The following HMCN1 variants were observed in gnomAD, a reference collection of about 807,000 sequenced individuals.
HMCN1 encodes the protein hemicentin-1.
A neutral mutation model predicts 625.9 loss-of-function variants in HMCN1; 321 were observed. The observed-to-expected ratio is 0.51, with a 90% CI of 0.47 to 0.56. The LOEUF (loss-of-function observed/expected upper bound fraction) is 0.56, where lower values mean the gene tolerates loss of function less well. Ranked by LOEUF, HMCN1 falls within the 20% of genes least tolerant of loss-of-function variation. The pLI, the probability that HMCN1 is intolerant of heterozygous loss-of-function variation, is 0.00. For synonymous variants in HMCN1, 2,425 were observed against 2,417.6 expected (o/e 1.00, Z -0.09); for missense variants, 6,588 against 6,887.3 (o/e 0.96, Z 1.54).
intron 9 of HMCN1, among the ~76,000 whole-genome samples, 185 bp from the exon 10 acceptor site, chr1:185,928,361 A>G (rs1280604055): frequency 6.6e-6 from 1 of 152,160 alleles, no homozygotes; most frequent in African/African-American, 2.4e-5. Context: ...AGAGTAGAAA[A>G]GCCTCATTTT....
chr1:186,158,849 T>C (rs1348372940), intron 97 of HMCN1, among the ~76,000 whole-genome samples: 1 of 151,704 alleles, frequency 6.6e-6, no homozygotes, highest in African/African-American at 2.4e-5. Flanking sequence ...CCTTGTAGTA[T>C]AGTTTGAAGT....
At chr1:185,904,654 C>T (rs1186260832) in intron 4 of HMCN1, among the ~76,000 whole-genome samples, 1 of 151,814 alleles carries the variant, frequency 6.6e-6, no homozygotes, top group Non-Finnish European at 1.5e-5. Context: ...ATGCTGCCTT[C>T]TTATTAGCTG....
At position 186,166,820 on chromosome 1, in the gene HMCN1, G is replaced by A; in HGVS notation, c.15452G>A (p.Cys5151Tyr). 1 of 1,614,128 alleles carries A rather than the reference G, an allele frequency of 6.2e-7. No homozygotes were observed. The highest frequency in any genetic ancestry group is 8.5e-7 in the Non-Finnish European group (1 of 1,179,996). The change falls in exon 100 of 107, where the codon TGT (cysteine) becomes TAT (tyrosine). Residue 5151 changes from cysteine to tyrosine, a missense_variant. Physicochemically the swap from Cys to Tyr is radical, Grantham distance 194. Transcript: ENST00000271588. The part of the protein sequence containing the change: ...DGRTCQDIDE[C>Y]ALGRHTCHAG... The stretch of plus-strand genomic sequence containing the variant: ...CCCTCTGTTGCAGATATTGATGAGT[G>A]TGCTTTGGGTAGGCATACCTGCCAC...
intron 8 of HMCN1, 34 bp downstream of exon 8, chr1:185,923,687 G>C: frequency 6.5e-7 from 1 of 1,540,992 alleles, no homozygotes. Context: ...TTGAAATATT[G>C]ACAGTTTAAG....
At chr1:185,775,495 A>G (rs1462798127) in intron 1 of HMCN1, among the ~76,000 whole-genome samples, 1 of 152,218 alleles carries the variant, frequency 6.6e-6, no homozygotes, top group Non-Finnish European at 1.5e-5. Context: ...CTATTTTGAA[A>G]ACATTTTTCT....
intron 4 of HMCN1, among the ~76,000 whole-genome samples, chr1:185,898,576 G>A (rs370597017): frequency 6.6e-6 from 1 of 152,196 alleles, no homozygotes; most frequent in East Asian, 1.9e-4. Context: ...GGGTCTCAAT[G>A]AACCCTGGTC....
chr1:185,816,349 G>C (rs1419193257), intron 1 of HMCN1, among the ~76,000 whole-genome samples: 3 of 152,094 alleles, frequency 2.0e-5, no homozygotes, highest in Non-Finnish European at 2.9e-5. Context: ...TGTACTTTGG[G>C]GATGTTTGTA....
At chr1:185,756,590 T>C (rs1295441435) in intron 1 of HMCN1, among the ~76,000 whole-genome samples, 1 of 152,172 alleles carries the variant, frequency 6.6e-6, no homozygotes, top group African/African-American at 2.4e-5. Flanking sequence ...AAGTGACCAA[T>C]AAATATTAAT....
At chr1:185,984,104 G>A (rs1325513726) in intron 18 of HMCN1, 65 bp from the exon 19 acceptor site, 1 of 1,340,864 alleles carries the variant, frequency 7.5e-7, no homozygotes, top group African/African-American at 1.5e-5. Context: ...GAAAAAGCAG[G>A]TTCATTTTTG....
At chr1:185,775,082 G>A (rs551703655) in intron 1 of HMCN1, among the ~76,000 whole-genome samples, 1 of 152,284 alleles carries the variant, frequency 6.6e-6, no homozygotes, top group East Asian at 1.9e-4. Flanking sequence ...ATTCGGAGAT[G>A]CTAAGGGCAG....
At chr1:185,918,820 A>G (rs1156748917) in intron 6 of HMCN1, among the ~76,000 whole-genome samples, 1 of 152,154 alleles carries the variant, frequency 6.6e-6, no homozygotes, top group Non-Finnish European at 1.5e-5. Context: ...CCTGTTCAAC[A>G]TCTAATATCT....
At position 186,074,889 on chromosome 1, in the gene HMCN1, A is replaced by G; in HGVS notation, c.8288A>G (p.Gln2763Arg). 1 of 1,606,462 alleles carries G rather than the reference A, an allele frequency of 6.2e-7. No individual in the cohort carries two copies. The highest frequency in any genetic ancestry group is 8.5e-7 in the Non-Finnish European group (1 of 1,173,410). The change falls in exon 53 of 107, where the codon CAA (glutamine) becomes CGA (arginine). Residue 2763 changes from glutamine (Q) to arginine (R), a missense_variant and splice_region_variant. Around this residue, in one of 3 missense-constraint regions of HMCN1, gnomAD observed 4,628 missense variants for 4,853.1 expected, o/e 0.95. Transcript: ENST00000271588. ...EDELDFDVNI[Q>R]VPPSFQKLWE... ...GAGTTGGATTTTGATGTGAATATTC[A>G]AGGTAATACTAATTGCTTATTGTAT... is the stretch of plus-strand genomic sequence containing the variant.
At chr1:185,738,187 G>C (rs1013241875) in intron 1 of HMCN1, among the ~76,000 whole-genome samples, 1 of 152,128 alleles carries the variant, frequency 6.6e-6, no homozygotes, top group Non-Finnish European at 1.5e-5. Context: ...TCCACTTAAA[G>C]TGTACAATTT....
chr1:186,116,865 G>A, intron 75 of HMCN1, 129 bp from the exon 76 acceptor site: 1 of 1,045,362 alleles, frequency 9.6e-7, no homozygotes, highest in Non-Finnish European at 1.4e-6. Flanking sequence ...TCAGGGACAT[G>A]ATGTTAATTT....
chr1:185,916,856 G>A (rs1435171090), intron 6 of HMCN1, among the ~76,000 whole-genome samples: 1 of 152,110 alleles, frequency 6.6e-6, no homozygotes, highest in Non-Finnish European at 1.5e-5. Context: ...AGCTGATGGA[G>A]GCTCTGCCAT....
At chr1:186,157,564 A>G (rs1000198556) in intron 97 of HMCN1, among the ~76,000 whole-genome samples, 2 of 152,128 alleles carry the variant, frequency 1.3e-5, no homozygotes, top group Admixed American at 1.3e-4. Context: ...TATACATGTG[A>G]CATGCTGGTG....
At chr1:185,799,448 C>T (rs77357501) in intron 1 of HMCN1, among the ~76,000 whole-genome samples, 7,626 of 152,238 alleles carry the variant, frequency 0.05, 596 homozygotes, top group African/African-American at 0.17. Context: ...TGGAGCTAGA[C>T]TAGGAAGACT....
intron 106 of HMCN1, among the ~76,000 whole-genome samples, chr1:186,189,303 G>A (rs181475816): frequency 1.5e-3 from 222 of 152,236 alleles, no homozygotes; most frequent in African/African-American, 2.3e-3. Flanking sequence ...TGCAAGATAC[G>A]TATTTGACTT....
chr1:186,151,659 G>A lies in HMCN1; in HGVS notation c.14812G>A (p.Ala4938Thr). Residue 4938 changes from alanine (A) to threonine (T), a missense_variant, in exon 95 of 107, where the codon GCA becomes ACA. Ala to Thr is a moderately conservative substitution (Grantham distance 58, BLOSUM62 0). This residue lies in a region of HMCN1 where 1,954 missense variants were observed against 2,013.1 expected (regional missense o/e 0.97). Transcript: ENST00000271588. Reference sequence around the variant, plus strand: ...TCTAAATCCCATTTATTGGACAACAGCAAAGGAAATAGGAGAAGCAGTCAA... The same window carrying A: ...TCTAAATCCCATTTATTGGACAACAACAAAGGAAATAGGAGAAGCAGTCAA... Reference protein sequence around the residue: ...SILNPIYWTTAKEIGEAVNGF... With the variant: ...SILNPIYWTTTKEIGEAVNGF... The A allele has an allele frequency of 1.2e-6, 2 of 1,612,738 alleles. No individual in the cohort carries two copies. The highest frequency in any genetic ancestry group is 1.7e-6 in the Non-Finnish European group (2 of 1,178,860).
Sources: allele counts gnomAD v4.1 joint callset (sites outside exome capture counted in the v4.1 genomes callset), GRCh38; gene constraint gnomAD v4.1.1; regional missense constraint gnomAD v4.1.1; transcripts MANE v1.5; gene names NCBI Gene and HGNC (gene_info 2026-07-23, HGNC 2026-07-21).